The following C11orf97 variants were observed in gnomAD, a reference collection of about 807,000 sequenced individuals.
C11orf97 encodes uncharacterized protein C11orf97.
In C11orf97, 15 loss-of-function variants were observed where a neutral mutation model predicts 16.2. The observed-to-expected ratio is 0.93, with a 90% CI of 0.62 to 1.43. C11orf97 has a LOEUF of 1.43. C11orf97 is among the 40% of genes most tolerant of loss of function. C11orf97 has a pLI of 0.00. For missense variants in C11orf97, 171 were observed against 161.2 expected, an observed-to-expected ratio of 1.06 and a Z score of -0.33; for synonymous variants, 61 against 65.7, an observed-to-expected ratio of 0.93 and a Z score of 0.34.
At chr11:94,512,900 A>G (rs1332576221) in intron 1 of C11orf97, among the ~76,000 whole-genome samples, 1 of 152,140 alleles carries the variant, frequency 6.6e-6, no homozygotes, top group Non-Finnish European at 1.5e-5. Flanking sequence ...GGGTCTGGGC[A>G]TCAGCTCCAA....
chr11:94,522,172 G>A (rs1005346107), intron 2 of C11orf97, among the ~76,000 whole-genome samples: 1 of 152,122 alleles, frequency 6.6e-6, no homozygotes, highest in African/African-American at 2.4e-5. Flanking sequence ...TGTCTCTGCA[G>A]GCTAAACTTC....
At chr11:94,524,237 T>G (rs994491061) in intron 2 of C11orf97, among the ~76,000 whole-genome samples, 2 of 152,184 alleles carry the variant, frequency 1.3e-5, no homozygotes, top group African/African-American at 2.4e-5. Context: ...TTTGAAGAAC[T>G]TGAAGCTGAG....
At chr11:94,515,609 TTCCTTTCCTCTTTCCTTTC>T (rs1386032040) in intron 1 of C11orf97, among the ~76,000 whole-genome samples, 1 of 151,828 alleles carries the variant, frequency 6.6e-6, no homozygotes, top group East Asian at 1.9e-4. Flanking sequence ...TTTTTTCCTT[TTCCTTTCCTCTTTCCTTTC>T]TCCTTTCCTT....
rs114528945 is a variant in C11orf97 at position 94,521,929 on chromosome 11, G to A, written c.250+4242G>A. Among the ~76,000 whole-genome samples the A allele has an allele frequency of 3.6e-3, 553 of 152,230 alleles. 3 individuals carry two copies. The highest frequency in any genetic ancestry group is 0.013 in the African/African-American group (532 of 41,522). Reference sequence around the variant, plus strand: ...GCTTTCTGCAACATTTCACATAGTCGATGGCTCTCTCCTTCAACCTTGTTC... The same window carrying A: ...GCTTTCTGCAACATTTCACATAGTCAATGGCTCTCTCCTTCAACCTTGTTC... On this transcript the variant is annotated intron_variant, in intron 2 of 3. Transcript: ENST00000542198.
At chr11:94,518,217 T>C (rs1417018290) in intron 2 of C11orf97, among the ~76,000 whole-genome samples, 1 of 151,784 alleles carries the variant, frequency 6.6e-6, no homozygotes, top group Admixed American at 6.6e-5. Context: ...GGTGGAGTTA[T>C]TTCTATTTAA....
intron 2 of C11orf97, among the ~76,000 whole-genome samples, chr11:94,525,702 G>A (rs1207374152): frequency 6.6e-6 from 1 of 152,146 alleles, no homozygotes. Context: ...TCTTTCTGTA[G>A]TCAAACTCTG....
chr11:94,528,744 G>A (rs906289678), intron 3 of C11orf97, among the ~76,000 whole-genome samples: 3 of 152,172 alleles, frequency 2.0e-5, no homozygotes, highest in Non-Finnish European at 2.9e-5. Flanking sequence ...GTCATAGCCA[G>A]TGTCTGCCAG....
At chr11:94,523,580 A>G (rs1947676512) in intron 2 of C11orf97, among the ~76,000 whole-genome samples, 1 of 152,234 alleles carries the variant, frequency 6.6e-6, no homozygotes, top group Non-Finnish European at 1.5e-5. Context: ...ATGAGTTGAC[A>G]GTGACAATTA....
intron 2 of C11orf97, among the ~76,000 whole-genome samples, chr11:94,525,492 C>G (rs990771526): frequency 6.6e-6 from 1 of 152,156 alleles, no homozygotes; most frequent in Non-Finnish European, 1.5e-5. Flanking sequence ...GGATATATTT[C>G]ATTATTTCAT....
chr11:94,522,376 A>G (rs1243955340), intron 2 of C11orf97, among the ~76,000 whole-genome samples: 1 of 152,140 alleles, frequency 6.6e-6, no homozygotes, highest in Non-Finnish European at 1.5e-5. Flanking sequence ...TCTACTAAAC[A>G]TACAAAAAAA....
intron 2 of C11orf97, among the ~76,000 whole-genome samples, chr11:94,527,381 C>G (rs1477421799): frequency 6.6e-6 from 1 of 152,208 alleles, no homozygotes; most frequent in Non-Finnish European, 1.5e-5. Context: ...TTGCAGTTTT[C>G]TACACAGTAG....
intron 2 of C11orf97, among the ~76,000 whole-genome samples, chr11:94,519,394 C>G (rs1173826882): frequency 6.6e-6 from 1 of 152,166 alleles, no homozygotes; most frequent in East Asian, 1.9e-4. Flanking sequence ...AGCTGGGAAG[C>G]CCCGCCTACA....
chr11:94,529,586 A>G (rs56365771), intron 3 of C11orf97, among the ~76,000 whole-genome samples: 1 of 152,046 alleles, frequency 6.6e-6, no homozygotes, highest in Non-Finnish European at 1.5e-5. Flanking sequence ...GCATAGAGAC[A>G]CTTTACTACC....
At chr11:94,515,193 A>G (rs895848905) in intron 1 of C11orf97, among the ~76,000 whole-genome samples, 2 of 152,146 alleles carry the variant, frequency 1.3e-5, no homozygotes, top group African/African-American at 4.8e-5. Context: ...CAAGGAAGCT[A>G]CTTTCTCAAC....
chr11:94,514,098 C>T (rs1045310895), intron 1 of C11orf97, among the ~76,000 whole-genome samples: 1 of 152,172 alleles, frequency 6.6e-6, no homozygotes, highest in Admixed American at 6.5e-5. Context: ...GCATGAGCCA[C>T]CACGCCCAGC....
In C11orf97 at chr11:94,512,578, C is replaced by T. The variant is rs756266566; in HGVS notation, c.50C>T (p.Ala17Val). 7.7e-6 allele frequency: 10 copies of T among 1,291,646 alleles called. No individual in the cohort carries two copies. The highest frequency in any genetic ancestry group is 7.0e-5 in the South Asian group (3 of 42,712). The allele number at this position is 1,291,646 out of a possible 1,614,324, so 80.0% of individuals were successfully genotyped here. A position where few individuals can be genotyped will look rare whatever the true frequency, so the allele number is the denominator to read the frequency against. Residue 17 changes from alanine to valine, a missense_variant, in exon 1 of 4, where the codon GCG (alanine) becomes GTG (valine). Transcript: ENST00000542198. ...VVVTAVVAPK[A>V]GREEEQPPPP... ...GTGACCGCAGTGGTGGCGCCCAAGG[C>T]GGGTCGCGAAGAGGAGCAGCCTCCT...
chr11:94,517,535 TTG>T (rs2135178436), intron 1 of C11orf97, 46 bp from the exon 2 acceptor site: 1 of 1,112,068 alleles, frequency 9.0e-7, no homozygotes, highest in Admixed American at 2.7e-5. Flanking sequence ...GGCTAGAAGA[TTG>T]GGCAGTATTT....
intron 1 of C11orf97, among the ~76,000 whole-genome samples, chr11:94,513,334 T>C (rs767820848): frequency 2.6e-5 from 4 of 152,232 alleles, no homozygotes; most frequent in East Asian, 1.9e-4. Flanking sequence ...TGGTTGTAAT[T>C]TGAGTCCTAG....
intron 2 of C11orf97, among the ~76,000 whole-genome samples, chr11:94,525,437 C>T (rs1397346321): frequency 1.3e-5 from 2 of 152,182 alleles, no homozygotes; most frequent in Non-Finnish European, 2.9e-5. Context: ...TTATTTACTA[C>T]TTAAGTACAA....
Sources: allele counts gnomAD v4.1 joint callset (sites outside exome capture counted in the v4.1 genomes callset), GRCh38; gene constraint gnomAD v4.1.1; transcripts MANE v1.5; gene names NCBI Gene and HGNC (gene_info 2026-07-23, HGNC 2026-07-21).